INO80: variants seen among roughly 807,000 people sequenced by gnomAD.
INO80 encodes chromatin-remodeling ATPase INO80.
Under a neutral mutation model 203.4 loss-of-function variants are expected in INO80, and 20 were observed. The ratio of observed to expected loss-of-function variants is 0.10; its 90% CI spans 0.07 to 0.14. The LOEUF is 0.14. Among genes scored for constraint, INO80 ranks in the 10% least tolerant of loss-of-function variants. INO80 has a pLI of 1.00. For synonymous variants in INO80, 726 were observed against 685.2 expected (o/e 1.06, Z -0.93); for missense variants, 1,419 against 1,914.4 (o/e 0.74, Z 4.83).
At chr15:41,018,241 A>G (rs920668369) in intron 26 of INO80, 5 of 152,186 alleles carry the variant, frequency 3.3e-5, no homozygotes, top group African/African-American at 1.2e-4. Context: ...CTCTCTTAGC[A>G]CAAATGTTAA....
chr15:41,000,106 A>G (rs913722797), intron 28 of INO80, among the ~76,000 whole-genome samples: 1 of 152,120 alleles, frequency 6.6e-6, no homozygotes, highest in African/African-American at 2.4e-5. Context: ...CTTAAAAAGG[A>G]TAAGTAATCC....
At chr15:41,063,443 A>G (rs549515185) in intron 14 of INO80, among the ~76,000 whole-genome samples, 1 of 152,264 alleles carries the variant, frequency 6.6e-6, no homozygotes, top group East Asian at 1.9e-4. Context: ...ATCAGCATTT[A>G]CATTAAAAGC....
At chr15:41,063,850 C>T (rs691160) in intron 14 of INO80, among the ~76,000 whole-genome samples, 5,958 of 152,108 alleles carry the variant, frequency 0.039, 416 homozygotes, top group African/African-American at 0.14. Context: ...TAAGCAAAGA[C>T]GCCCTCACAT....
chr15:41,081,929 C>T (rs2045490493), intron 7 of INO80, among the ~76,000 whole-genome samples: 1 of 152,020 alleles, frequency 6.6e-6, no homozygotes. Flanking sequence ...CACTCTGAAG[C>T]CAGGAACCTC....
chr15:41,068,723 GGTGGCAGACACCTGTAATCCCA>G (rs756020734), intron 14 of INO80, among the ~76,000 whole-genome samples: 8 of 152,138 alleles, frequency 5.3e-5, no homozygotes, highest in Admixed American at 1.3e-4. Context: ...AGCTGGGCAT[GGTGGCAGACACCTGTAATCCCA>G]GTTACTCAGG....
intron 24 of INO80, among the ~76,000 whole-genome samples, chr15:41,029,256 T>G (rs2044423296): frequency 6.6e-6 from 1 of 152,254 alleles, no homozygotes; most frequent in Non-Finnish European, 1.5e-5. Context: ...GTTCAGCTCA[T>G]ATCCTGCTCT....
At chr15:41,078,120 G>A (rs2045432774) in intron 9 of INO80, among the ~76,000 whole-genome samples, 1 of 151,928 alleles carries the variant, frequency 6.6e-6, no homozygotes, top group South Asian at 2.1e-4. Context: ...AGCTGGTCTT[G>A]AACTCCTGAC....
Position 41,044,914 on chromosome 15 carries a change from G to A in INO80, c.2897C>T (p.Pro966Leu), listed in dbSNP as rs901819418. 6.2e-7 allele frequency: 1 copy of A among 1,604,724 alleles called. No individual in the cohort carries two copies. ...CAAATAATTGCTTACCTTTAACAAA[G>A]GGCAGCTGCAAAGGTTTGGAAAGGA... The part of the protein sequence containing the change: ...PLSFPNLCSC[P>L]LLKSLVFSSH... The change falls in exon 24 of 36, where the codon CCT becomes CTT. Residue 966 changes from proline (P) to leucine (L), a missense_variant. Pro to Leu is a moderately conservative substitution (Grantham distance 98, BLOSUM62 -3). This residue lies in a region of INO80 where 302 missense variants were observed against 345.4 expected (regional missense o/e 0.87). Transcript: ENST00000648947.
At position 41,090,239 on chromosome 15, in the gene INO80, T is replaced by C. The variant is rs78254448; in HGVS notation, c.537+1788A>G. ...CTGGACACAGGCACATGTTGCATGA[T>C]TGCATTTGTATGAAATGTCTAGAAT... On this transcript the variant is annotated intron_variant, in intron 5 of 35. Transcript: ENST00000648947. Among the ~76,000 whole-genome samples, 455 of 152,318 alleles carry C rather than the reference T, an allele frequency of 3.0e-3. 2 individuals carry two copies. Among genetic ancestry groups the C allele is most frequent in the East Asian group, 0.01 (52 of 5,184 alleles).
At chr15:41,060,726 A>G (rs1355366223) in intron 14 of INO80, among the ~76,000 whole-genome samples, 3 of 152,158 alleles carry the variant, frequency 2.0e-5, no homozygotes, top group Non-Finnish European at 4.4e-5. Context: ...CTGAATAGGT[A>G]CCGACTCCCC....
intron 6 of INO80, among the ~76,000 whole-genome samples, chr15:41,086,411 G>A (rs546585422): frequency 6.6e-6 from 1 of 152,246 alleles, no homozygotes; most frequent in African/African-American, 2.4e-5. Context: ...AGCACTTTGA[G>A]AGGCCAAGGC....
intron 14 of INO80, among the ~76,000 whole-genome samples, chr15:41,062,112 TAAGC>T (rs1043335775): frequency 3.9e-5 from 6 of 152,130 alleles, no homozygotes; most frequent in African/African-American, 1.4e-4. Context: ...ATAAAATATA[TAAGC>T]AATAATAAAA....
intron 29 of INO80, among the ~76,000 whole-genome samples, chr15:40,992,313 C>A (rs1044582483): frequency 2.0e-5 from 3 of 152,144 alleles, no homozygotes; most frequent in African/African-American, 7.2e-5. Context: ...TTATAACAAC[C>A]CCTTACTAAA....
intron 12 of INO80, among the ~76,000 whole-genome samples, chr15:41,071,130 C>T (rs1385766364): frequency 6.6e-6 from 1 of 152,216 alleles, no homozygotes; most frequent in Non-Finnish European, 1.5e-5. Flanking sequence ...AAACGCACCA[C>T]TCCACTTCAG....
At chr15:41,106,491 T>C (rs560568172) in intron 1 of INO80, among the ~76,000 whole-genome samples, 1 of 151,288 alleles carries the variant, frequency 6.6e-6, no homozygotes, top group African/African-American at 2.4e-5. Context: ...AGTAAACTCA[T>C]ATAGTGGCAT....
intron 26 of INO80, among the ~76,000 whole-genome samples, 196 bp downstream of exon 26, chr15:41,020,704 C>T (rs2044280667): frequency 6.6e-6 from 1 of 151,504 alleles, no homozygotes; most frequent in South Asian, 2.1e-4. Flanking sequence ...TGTATTTAAG[C>T]ACAAATCTAA....
chr15:41,084,156 A>C (rs2045525539), intron 7 of INO80, among the ~76,000 whole-genome samples: 1 of 151,866 alleles, frequency 6.6e-6, no homozygotes, highest in Non-Finnish European at 1.5e-5. Flanking sequence ...ATCTCACTTA[A>C]GGGTAAACAG....
At chr15:41,064,549 T>C (rs1444838680) in intron 14 of INO80, among the ~76,000 whole-genome samples, 5 of 151,266 alleles carry the variant, frequency 3.3e-5, no homozygotes, top group African/African-American at 4.9e-5. Flanking sequence ...CAATGGAAGT[T>C]AGAGATTATG....
At position 40,984,254 on chromosome 15, in the gene INO80, A is replaced by G. The variant is rs1596231684; in HGVS notation, c.4020T>C (p.Ala1340=). ...VPSADNSNLS[A]DGDDSFISVD... ...CGCTAATGAAGGAGTCATCTCCGTC[A>G]GCAGAGAGGTTGGAGTTATCAGCCG... Residue 1340 remains alanine, a synonymous_variant, in exon 33 of 36, where the codon GCT becomes GCC. Coordinates refer to ENST00000648947, the MANE Select transcript of INO80 (RefSeq NM_017553.3). 3 of 1,614,064 alleles carry G rather than the reference A, an allele frequency of 1.9e-6. No individual in the cohort carries two copies. The highest frequency in any genetic ancestry group is 4.5e-5 in the East Asian group (2 of 44,882).
Sources: gnomAD v4.1 joint callset for allele counts (sites outside exome capture counted in the v4.1 genomes callset) on GRCh38, gnomAD v4.1.1 for gene constraint, gnomAD v4.1.1 regional missense constraint, MANE v1.5 for transcripts, NCBI Gene and HGNC (gene_info 2026-07-23, HGNC 2026-07-21) for gene names.